CTNNA2: variants seen among roughly 807,000 people sequenced by gnomAD.
The protein encoded by CTNNA2 is catenin alpha-2.
A neutral mutation model predicts 101.0 loss-of-function variants in CTNNA2; 42 were observed. That is an observed-to-expected ratio of 0.42 (90% CI 0.32 to 0.54). The LOEUF is 0.54. CTNNA2 is among the 20% of genes least tolerant of loss of function. CTNNA2 has a pLI of 0.14. For missense variants in CTNNA2, 871 were observed against 1,223.1 expected, an observed-to-expected ratio of 0.71 and a Z score of 4.29; for synonymous variants, 450 against 456.4, an observed-to-expected ratio of 0.99 and a Z score of 0.18.
intron 2 of CTNNA2, among the ~76,000 whole-genome samples, chr2:79,252,646 G>T (rs1237212257): frequency 6.6e-6 from 1 of 151,552 alleles, no homozygotes; most frequent in African/African-American, 2.4e-5. Context: ...TCTAAGGTGG[G>T]CTATGCCTTT....
At chr2:80,362,941 A>G (rs1044261332) in intron 7 of CTNNA2, among the ~76,000 whole-genome samples, 2 of 151,258 alleles carry the variant, frequency 1.3e-5, no homozygotes, top group Non-Finnish European at 2.9e-5. Context: ...GCTATATATC[A>G]GGCCTGTGAA....
intron 3 of CTNNA2, among the ~76,000 whole-genome samples, chr2:79,810,528 T>TTTC (rs1368510823): frequency 2.1e-5 from 2 of 95,402 alleles, no homozygotes; most frequent in African/African-American, 1.1e-4. Context: ...TTTCTTTTCT[T>TTTC]TTTTTTTTTT....
At chr2:79,238,005 G>T (rs756931763) in intron 2 of CTNNA2, among the ~76,000 whole-genome samples, 2 of 152,012 alleles carry the variant, frequency 1.3e-5, no homozygotes, top group East Asian at 3.9e-4. Flanking sequence ...CTTTTCCTTC[G>T]CATTCACAAC....
At chr2:80,622,239 G>T (rs1487650466) in intron 18 of CTNNA2, among the ~76,000 whole-genome samples, 4 of 151,808 alleles carry the variant, frequency 2.6e-5, no homozygotes, top group Non-Finnish European at 5.9e-5. Flanking sequence ...GCAGGCATTT[G>T]GTCAGTTACA....
At chr2:80,272,238 C>T (rs1673549355) in intron 7 of CTNNA2, among the ~76,000 whole-genome samples, 1 of 152,142 alleles carries the variant, frequency 6.6e-6, no homozygotes, top group South Asian at 2.1e-4. Context: ...TTATTAGACA[C>T]TTGTAACTGT....
intron 7 of CTNNA2, among the ~76,000 whole-genome samples, chr2:80,068,240 A>G (rs1008549109): frequency 9.2e-5 from 14 of 152,320 alleles, no homozygotes; most frequent in African/African-American, 3.1e-4. Context: ...TTATAAGCAC[A>G]GTACTGGAGG....
chr2:80,621,493 T>C (rs937855429), intron 18 of CTNNA2, among the ~76,000 whole-genome samples: 7 of 151,948 alleles, frequency 4.6e-5, no homozygotes, highest in African/African-American at 1.7e-4. Context: ...GAAAGTTATA[T>C]ATAAATTGAT....
At chr2:79,556,996 G>C (rs2104099695) in intron 1 of CTNNA2, among the ~76,000 whole-genome samples, 1 of 152,008 alleles carries the variant, frequency 6.6e-6, no homozygotes, top group South Asian at 2.1e-4. Context: ...CTTCAGAGAA[G>C]GAAATTCTAC....
At chr2:80,385,036 C>T (rs918987167) in intron 7 of CTNNA2, among the ~76,000 whole-genome samples, 1 of 151,956 alleles carries the variant, frequency 6.6e-6, no homozygotes, top group East Asian at 1.9e-4. Flanking sequence ...GTGTGTCATT[C>T]ATTGACTTAG....
chr2:80,646,467 C>G (rs556697276), intron 18 of CTNNA2, among the ~76,000 whole-genome samples: 1 of 152,172 alleles, frequency 6.6e-6, no homozygotes, highest in South Asian at 2.1e-4. Context: ...CATGTAGACT[C>G]CTGGCTGATG....
intron 2 of CTNNA2, among the ~76,000 whole-genome samples, chr2:79,705,044 C>T (rs530317210): frequency 5.9e-5 from 9 of 152,124 alleles, no homozygotes; most frequent in East Asian, 1.9e-4. Context: ...ATATTTTTGA[C>T]GCTACATCTG....
At chr2:80,636,806 CAA>C (rs1672932646) in intron 18 of CTNNA2, among the ~76,000 whole-genome samples, 2 of 152,086 alleles carry the variant, frequency 1.3e-5, no homozygotes, top group Non-Finnish European at 2.9e-5. Flanking sequence ...TCTCTATTAT[CAA>C]TATTCCTTAC....
chr2:80,045,597 A>C (rs1696462842), intron 7 of CTNNA2, among the ~76,000 whole-genome samples: 1 of 152,142 alleles, frequency 6.6e-6, no homozygotes, highest in Non-Finnish European at 1.5e-5. Flanking sequence ...TCAAGAGTAC[A>C]TTTCCCTACT....
intron 4 of CTNNA2, among the ~76,000 whole-genome samples, chr2:79,404,238 T>G (rs1207781888): frequency 6.6e-6 from 1 of 151,996 alleles, no homozygotes; most frequent in African/African-American, 2.4e-5. Context: ...GTCATAAACT[T>G]TGGGTCCATA....
At chr2:80,566,553 TC>T (rs900400089) in intron 12 of CTNNA2, among the ~76,000 whole-genome samples, 1 of 152,172 alleles carries the variant, frequency 6.6e-6, no homozygotes, top group Non-Finnish European at 1.5e-5. Flanking sequence ...AAGGACATAT[TC>T]AAATGCTGGT....
intron 2 of CTNNA2, among the ~76,000 whole-genome samples, chr2:79,220,669 T>C (rs1674330537): frequency 2.0e-5 from 3 of 152,166 alleles, no homozygotes; most frequent in African/African-American, 7.2e-5. Flanking sequence ...ACCTTAAAGG[T>C]TGGCCAGATT....
At chr2:80,299,187 A>G (rs1199278624) in intron 7 of CTNNA2, 1 of 152,184 alleles carries the variant, frequency 6.6e-6, no homozygotes, top group Non-Finnish European at 1.5e-5. Context: ...GAAGAATAAA[A>G]AAAAGGTGCT....
intron 2 of CTNNA2, among the ~76,000 whole-genome samples, chr2:79,275,737 C>T (rs1257552813): frequency 6.6e-6 from 1 of 151,910 alleles, no homozygotes; most frequent in African/African-American, 2.4e-5. Context: ...ATAAAATTAA[C>T]TTTTATTTAC....
intron 7 of CTNNA2, among the ~76,000 whole-genome samples, chr2:80,341,386 A>G (rs978947796): frequency 1.3e-5 from 2 of 152,152 alleles, no homozygotes; most frequent in Admixed American, 6.5e-5. Context: ...AGAGCTTCCA[A>G]GCGTTTTAGA....
Sources: gnomAD v4.1 joint callset for allele counts (sites outside exome capture counted in the v4.1 genomes callset) on GRCh38, gnomAD v4.1.1 for gene constraint, MANE v1.5 for transcripts, NCBI Gene and HGNC (gene_info 2026-07-23, HGNC 2026-07-21) for gene names.